The following OR3A2 variants were observed in gnomAD, a reference collection of about 807,000 sequenced individuals.
The protein encoded by OR3A2 is olfactory receptor 3A2.
For missense variants in OR3A2, 318 were observed against 392.8 expected, an observed-to-expected ratio of 0.81 and a Z score of 1.61; for synonymous variants, 126 against 159.3, an observed-to-expected ratio of 0.79 and a Z score of 1.57.
In OR3A2 at chr17:3,361,640, TG is replaced by T. The variant is rs1363755311; in HGVS notation, c.-179+22163del. Among the ~76,000 whole-genome samples the T allele has an allele frequency of 1.8e-4, 28 of 151,948 alleles. 1 individual carries two copies. Among genetic ancestry groups the T allele is most frequent in the Admixed American group, 1.8e-3 (28 of 15,282 alleles). On this transcript the variant is annotated intron_variant, in intron 2 of 4. Coordinates refer to the OR3A2 transcript ENST00000573491. Reference sequence around the variant, plus strand: ...TTTAGCATGAAAGGTTGTTGAATTTTGTCAAAGACCTTTTCTGCATCTATTG... The same window carrying T: ...TTTAGCATGAAAGGTTGTTGAATTTTTCAAAGACCTTTTCTGCATCTATTG...
chr17:3,301,378 G>A (rs934269292), intron 3 of OR3A2, among the ~76,000 whole-genome samples: 3 of 152,018 alleles, frequency 2.0e-5, no homozygotes, highest in African/African-American at 4.8e-5. Flanking sequence ...TTTAATGATT[G>A]CCATTCTAAC....
chr17:3,306,972 C>T (rs1039021402), intron 3 of OR3A2, among the ~76,000 whole-genome samples: 5 of 152,220 alleles, frequency 3.3e-5, no homozygotes, highest in Admixed American at 6.5e-5. Context: ...TACACACGCA[C>T]GCGTGCTTGT....
chr17:3,381,194 C>CAT lies in OR3A2; in HGVS notation c.-179+2609_-179+2610insAT, dbSNP rs202017547. ...GTGCCTGGACATATCGGGATACATCCGTGTGTGTCTGTGTGCAAGCGTGTA... is the reference window on the plus strand; with the variant it reads ...GTGCCTGGACATATCGGGATACATCCATGTGTGTGTCTGTGTGCAAGCGTGTA... On this transcript the variant is annotated intron_variant, in intron 2 of 4. Coordinates refer to the OR3A2 transcript ENST00000573491. Among the ~76,000 whole-genome samples, 695 of 151,868 alleles carry CAT rather than the reference C, an allele frequency of 4.6e-3. 5 individuals are homozygous for CAT. Among genetic ancestry groups the CAT allele is most frequent in the African/African-American group, 0.016 (644 of 41,390 alleles).
chr17:3,337,564 G>C (rs149500673), intron 2 of OR3A2, among the ~76,000 whole-genome samples: 1 of 152,158 alleles, frequency 6.6e-6, no homozygotes, highest in African/African-American at 2.4e-5. Context: ...TGAGAATGAC[G>C]GTTTCCAGCT....
chr17:3,368,511 CT>C (rs1354922761), intron 2 of OR3A2, among the ~76,000 whole-genome samples: 2 of 152,064 alleles, frequency 1.3e-5, no homozygotes, highest in Non-Finnish European at 2.9e-5. Context: ...CCACTTTTAG[CT>C]TTTCGTTGCT....
chr17:3,332,370 G>A (rs1409179726), intron 3 of OR3A2, among the ~76,000 whole-genome samples: 2 of 152,212 alleles, frequency 1.3e-5, no homozygotes, highest in Admixed American at 1.3e-4. Context: ...GAGACTCCGT[G>A]GGCGTAGGAC....
chr17:3,347,676 G>A (rs940140395), intron 2 of OR3A2, among the ~76,000 whole-genome samples: 43 of 152,290 alleles, frequency 2.8e-4, no homozygotes, highest in African/African-American at 1.0e-3. Context: ...CCAAGTCCTT[G>A]CTATTGTGAA....
chr17:3,310,348 C>A (rs1375705994), intron 3 of OR3A2: 1 of 534,656 alleles, frequency 1.9e-6, no homozygotes, highest in East Asian at 5.5e-5. Context: ...TCAGTTGTGA[C>A]CAAGTTTGTC....
intron 3 of OR3A2, chr17:3,292,667 T>A (rs1567544854): frequency 8.1e-7 from 1 of 1,238,088 alleles, no homozygotes; most frequent in Admixed American, 2.6e-5. Context: ...ACAGACCCCC[T>A]TCTACTTGCC....
At chr17:3,278,830 C>A in exon 2 of OR3A2, 2 of 1,536,218 alleles carry the variant, frequency 1.3e-6, no homozygotes, top group Non-Finnish European at 8.8e-7. Context: ...AGCACAAAGA[C>A]AACTGGCTGC....
chr17:3,306,110 T>G (rs2048998174), intron 3 of OR3A2, among the ~76,000 whole-genome samples: 1 of 152,112 alleles, frequency 6.6e-6, no homozygotes, highest in Admixed American at 6.5e-5. Context: ...AAGCCAACAG[T>G]GGCTGAGCTC....
chr17:3,366,275 CTG>C (rs2049562590), intron 2 of OR3A2, among the ~76,000 whole-genome samples: 1 of 152,168 alleles, frequency 6.6e-6, no homozygotes, highest in Admixed American at 6.5e-5. Context: ...TCATATTAAT[CTG>C]TGTTGTTCCA....
chr17:3,365,903 G>A (rs1273262797), intron 2 of OR3A2, among the ~76,000 whole-genome samples: 1 of 152,174 alleles, frequency 6.6e-6, no homozygotes, highest in Non-Finnish European at 1.5e-5. Flanking sequence ...GCATCAAAGG[G>A]AAGACTGAAG....
chr17:3,339,486 G>T (rs1310983085), intron 2 of OR3A2, among the ~76,000 whole-genome samples: 1 of 152,174 alleles, frequency 6.6e-6, no homozygotes, highest in Non-Finnish European at 1.5e-5. Context: ...AGCATGAAAG[G>T]ATGTTGAATT....
At chr17:3,362,274 AT>A (rs1379046325) in intron 2 of OR3A2, among the ~76,000 whole-genome samples, 1 of 151,482 alleles carries the variant, frequency 6.6e-6, no homozygotes, top group South Asian at 2.1e-4. Flanking sequence ...CCCCTTTAGC[AT>A]TTTTTATGGC....
chr17:3,332,839 T>G (rs1419534906), intron 3 of OR3A2, among the ~76,000 whole-genome samples: 2 of 152,218 alleles, frequency 1.3e-5, no homozygotes, highest in African/African-American at 2.4e-5. Context: ...TTTAATCTCT[T>G]AACTCTGTTA....
intron 3 of OR3A2, among the ~76,000 whole-genome samples, chr17:3,316,257 CCTAA>C (rs1386465495): frequency 1.3e-5 from 2 of 152,200 alleles, no homozygotes; most frequent in Admixed American, 6.5e-5. Context: ...GCCCAGCCAT[CCTAA>C]CTGAGATAGC....
chr17:3,352,659 T>C (rs527534628), intron 2 of OR3A2, among the ~76,000 whole-genome samples: 1 of 152,180 alleles, frequency 6.6e-6, no homozygotes, highest in African/African-American at 2.4e-5. Context: ...AGCTCTGTAG[T>C]ATAATTTGAA....
At chr17:3,370,119 G>A (rs1214934250) in intron 2 of OR3A2, among the ~76,000 whole-genome samples, 3 of 152,098 alleles carry the variant, frequency 2.0e-5, no homozygotes, top group African/African-American at 7.2e-5. Flanking sequence ...TTCTTTGGAT[G>A]TCTGATAGAA....
Sources: gnomAD v4.1 joint callset for allele counts (sites outside exome capture counted in the v4.1 genomes callset) on GRCh38, gnomAD v4.1.1 for gene constraint, MANE v1.5 for transcripts, NCBI Gene and HGNC (gene_info 2026-07-23, HGNC 2026-07-21) for gene names.